GRM4: variants seen among roughly 807,000 people sequenced by gnomAD.
GRM4 encodes metabotropic glutamate receptor 4.
A neutral mutation model predicts 81.7 loss-of-function variants in GRM4; 28 were observed. That is an observed-to-expected ratio of 0.34 (90% CI 0.25 to 0.47). The LOEUF (loss-of-function observed/expected upper bound fraction) is 0.47. Among genes scored for constraint, GRM4 ranks in the 20% least tolerant of loss-of-function variants. GRM4 has a pLI of 1.00. For synonymous variants in GRM4, 488 were observed against 528.8 expected, an observed-to-expected ratio of 0.92 and a Z score of 1.06; for missense variants, 948 against 1,290.0, an observed-to-expected ratio of 0.73 and a Z score of 4.06.
chr6:34,153,942 A>AC (rs1554136903), intron 1 of GRM4, among the ~76,000 whole-genome samples: 1 of 148,990 alleles, frequency 6.7e-6, no homozygotes, highest in African/African-American at 2.5e-5. Flanking sequence ...AAAAAAAAAA[A>AC]GTTGAAGCCA....
intron 1 of GRM4, among the ~76,000 whole-genome samples, chr6:34,135,097 C>T (rs1167574027): frequency 1.3e-5 from 2 of 152,182 alleles, no homozygotes; most frequent in African/African-American, 4.8e-5. Flanking sequence ...CTCAGTTTCC[C>T]CAAGCAGTTG....
intron 8 of GRM4, among the ~76,000 whole-genome samples, chr6:34,039,308 G>C (rs992189198): frequency 6.6e-6 from 1 of 152,146 alleles, no homozygotes; most frequent in African/African-American, 2.4e-5. Flanking sequence ...GGGGTTCCTC[G>C]CTGGAAGAGA....
rs756510541 is a variant in GRM4, at chr6:34,058,999, G to C, written c.1002C>G (p.Ile334Met). ...CTCGTACGGACATCCTCTTGGGGAGGATCGTGACAGCACCCTCAGCCACCT... is the reference window on the plus strand; with the variant it reads ...CTCGTACGGACATCCTCTTGGGGAGCATCGTGACAGCACCCTCAGCCACCT... Reference protein sequence around the residue: ...LEEVAEGAVTILPKRMSVRGF... With the variant: ...LEEVAEGAVTMLPKRMSVRGF... Residue 334 changes from isoleucine (I) to methionine (M), a missense_variant, in exon 5 of 11, where the codon ATC becomes ATG. Coordinates refer to ENST00000538487, the MANE Select transcript of GRM4 (RefSeq NM_000841.4). 6.2e-7 allele frequency: 1 copy of C among 1,613,354 alleles called. No individual in the cohort carries two copies. Among genetic ancestry groups the C allele is most frequent in the Non-Finnish European group, 8.5e-7 (1 of 1,179,916 alleles).
Position 34,036,627 on chromosome 6 carries a change from CA to C in GRM4, c.1507-25del, listed in dbSNP as rs747544938. The C allele has an allele frequency of 1.2e-4, 174 of 1,395,022 alleles. No homozygotes were observed. The highest frequency in any genetic ancestry group is 1.7e-4 in the Non-Finnish European group (169 of 1,013,022). The allele number at this position is 1,395,022 out of a possible 1,614,324, so 86.4% of individuals were successfully genotyped here. On this transcript the variant is annotated intron_variant, in intron 8 of 10. Transcript: ENST00000538487. This position sits in a 1 kb window ranked among gnomAD's most constrained non-coding sequence, Gnocchi z 9.0. The stretch of plus-strand genomic sequence containing the variant: ...ATCTGGCAATGACAGCACCGTAAAG[CA>C]GGCCTCAGAACATGCCACCCGGTGC...
chr6:34,100,799 C>G (rs974537856), intron 2 of GRM4, among the ~76,000 whole-genome samples: 1 of 152,236 alleles, frequency 6.6e-6, no homozygotes, highest in African/African-American at 2.4e-5. Context: ...TCGCTTCTGT[C>G]CCACAGCACT....
chr6:34,028,995 T>C (rs1022836943), intron 9 of GRM4, among the ~76,000 whole-genome samples: 1 of 152,202 alleles, frequency 6.6e-6, no homozygotes, highest in Non-Finnish European at 1.5e-5. Flanking sequence ...GCACTAACAG[T>C]GACAGATGTT....
chr6:34,103,697 C>A, intron 2 of GRM4: 1 of 1,528,204 alleles, frequency 6.5e-7, no homozygotes, highest in Non-Finnish European at 8.7e-7. Context: ...AGGGGCACAG[C>A]CATGCCCCCT....
chr6:34,023,462 G>A (rs887846718), intron 10 of GRM4, among the ~76,000 whole-genome samples: 3 of 152,124 alleles, frequency 2.0e-5, no homozygotes, highest in African/African-American at 4.8e-5. Context: ...GAGTGGGGCC[G>A]TGCATGGCTA....
chr6:34,055,235 A>T (rs1765809864), intron 6 of GRM4: 1 of 152,144 alleles, frequency 6.6e-6, no homozygotes. Flanking sequence ...ACAGGCACAC[A>T]CATCCCTTCT....
chr6:34,047,441 C>T lies in GRM4; in HGVS notation c.1169-6693G>A, dbSNP rs1019396481. Reference sequence around the variant, plus strand: ...CCTTCTGTCCCTCAAGTCCTGTTCCCGAGTCCAGGCTCACCATCCCACAAG... The same window carrying T: ...CCTTCTGTCCCTCAAGTCCTGTTCCTGAGTCCAGGCTCACCATCCCACAAG... On this transcript the variant is annotated intron_variant, in intron 6 of 10. Coordinates refer to ENST00000538487, the MANE Select transcript of GRM4 (RefSeq NM_000841.4). This position sits in a 1 kb window ranked among gnomAD's most constrained non-coding sequence, Gnocchi z 4.5. 1.3e-5 allele frequency among the ~76,000 whole-genome samples: 2 copies of T among 152,096 alleles called. No individual in the cohort carries two copies. The highest frequency in any genetic ancestry group is 1.3e-4 in the Admixed American group (2 of 15,266).
chr6:34,097,196 A>AGAAAG (rs1768570495), intron 2 of GRM4, among the ~76,000 whole-genome samples: 1 of 152,178 alleles, frequency 6.6e-6, no homozygotes, highest in African/African-American at 2.4e-5. Flanking sequence ...AGGAGGAAAA[A>AGAAAG]GAAAGGAAAG....
intron 1 of GRM4, among the ~76,000 whole-genome samples, chr6:34,142,383 G>A (rs543236777): frequency 1.4e-4 from 22 of 152,332 alleles, no homozygotes; most frequent in Admixed American, 9.8e-4. Context: ...GTTCTAGACC[G>A]AGCAGAGGAG....
At chr6:34,106,718 C>G (rs960356149) in intron 2 of GRM4, among the ~76,000 whole-genome samples, 1 of 152,240 alleles carries the variant, frequency 6.6e-6, no homozygotes, top group Non-Finnish European at 1.5e-5. Flanking sequence ...CCCGCTGGCA[C>G]GTCAGTCCCA....
chr6:34,104,761 C>CT (rs1769034627), intron 2 of GRM4, among the ~76,000 whole-genome samples: 1 of 152,176 alleles, frequency 6.6e-6, no homozygotes, highest in Admixed American at 6.5e-5. Context: ...CTTCACATCT[C>CT]TGAGCCTCAG....
chr6:34,027,547 G>A lies in GRM4; in HGVS notation c.2689+573C>T, dbSNP rs373592891. 8.5e-5 allele frequency among the ~76,000 whole-genome samples: 13 copies of A among 152,314 alleles called. 1 individual carries two copies. In the East Asian group the frequency reaches 1.4e-3, roughly 16 times the overall value. On this transcript the variant is annotated intron_variant, in intron 10 of 10. Transcript: ENST00000538487. ...CTGCCCTCACTCACCGGTCCTGGCC[G>A]GCCCATGTCCCGGGTCCCCATAGCT...
chr6:34,105,842 T>C (rs1191440214), intron 2 of GRM4: 2 of 152,188 alleles, frequency 1.3e-5, no homozygotes, highest in African/African-American at 4.8e-5. Flanking sequence ...CTTGAGTCCT[T>C]TTCTCACACA....
intron 9 of GRM4, among the ~76,000 whole-genome samples, chr6:34,033,062 C>T (rs1056439274): frequency 6.6e-6 from 1 of 152,116 alleles, no homozygotes; most frequent in African/African-American, 2.4e-5. Flanking sequence ...CATTGAGAGG[C>T]GTGAGGGCCT....
intron 2 of GRM4, among the ~76,000 whole-genome samples, chr6:34,122,918 A>G (rs1352632): frequency 5.9e-5 from 9 of 152,008 alleles, no homozygotes; most frequent in African/African-American, 1.5e-4. Context: ...TCGAGTCAGT[A>G]TGACTGCCCA....
rs912063499 is a variant in GRM4, at chr6:34,035,612, C to T, written c.2442+56G>A. The T allele has an allele frequency of 1.8e-6, 2 of 1,084,426 alleles. No homozygotes were observed. The highest frequency in any genetic ancestry group is 2.6e-6 in the Non-Finnish European group (2 of 758,728). The allele number at this position is 1,084,426 out of a possible 1,614,324, so 67.2% of individuals were successfully genotyped here. A position where few individuals can be genotyped will look rare whatever the true frequency, so the allele number is the denominator to read the frequency against. On this transcript the variant is annotated intron_variant, in intron 9 of 10. Transcript: ENST00000538487. This position sits in a 1 kb window ranked among gnomAD's most constrained non-coding sequence, Gnocchi z 6.6. ...GAGGCCAGCCAGCCTCAGGAGGCTGCCCCTTGCTCACTGCCCTCACCTACC... is the reference window on the plus strand; with the variant it reads ...GAGGCCAGCCAGCCTCAGGAGGCTGTCCCTTGCTCACTGCCCTCACCTACC...
Sources: allele counts gnomAD v4.1 joint callset (sites outside exome capture counted in the v4.1 genomes callset), GRCh38; gene constraint gnomAD v4.1.1; non-coding constraint Gnocchi (gnomAD v3.1); transcripts MANE v1.5; gene names NCBI Gene and HGNC (gene_info 2026-07-23, HGNC 2026-07-21).